The following UTP20 variants were observed in gnomAD, a reference collection of about 807,000 sequenced individuals.
UTP20 encodes UTP20 small subunit processome component, also known as small subunit processome component 20 homolog.
In UTP20, 164 loss-of-function variants were observed where a neutral mutation model predicts 329.5. The observed-to-expected ratio is 0.50, with a 90% confidence interval of 0.44 to 0.57. UTP20 has a LOEUF of 0.57. Among genes scored for constraint, UTP20 ranks in the 20% least tolerant of loss-of-function variants. The probability of loss-of-function intolerance (pLI) is 0.00; values close to 1 mark genes in which losing one functional copy is unlikely to be tolerated. For synonymous variants in UTP20, 1,151 were observed against 1,159.3 expected (o/e 0.99, Z 0.14); for missense variants, 3,055 against 3,284.2 (o/e 0.93, Z 1.71).
At chr12:101,309,715 A>G in intron 18 of UTP20, 48 bp from the exon 19 acceptor site, 1 of 1,568,694 alleles carries the variant, frequency 6.4e-7, no homozygotes, top group South Asian at 1.1e-5. Flanking sequence ...CTTCTGTTCT[A>G]TACTGTATTT....
rs1262750678 is a variant in UTP20, at chr12:101,359,188, G to A, written c.5691+2106G>A. ...AAGCAGTTCTCATGCCTCAGCCTCC[G>A]AAGTAGCTGGGATTACAGGCATGAG... On this transcript the variant is annotated intron_variant, in intron 43 of 61. Coordinates refer to ENST00000261637, the MANE Select transcript of UTP20 (RefSeq NM_014503.3). Among the ~76,000 whole-genome samples the A allele has an allele frequency of 6.6e-5, 10 of 151,846 alleles. No individual in the cohort carries two copies. In the South Asian group the frequency reaches 1.3e-3, roughly 19 times the overall value.
At chr12:101,308,395 G>A (rs1872693704) in intron 18 of UTP20, 52 bp downstream of exon 18, 1 of 1,295,174 alleles carries the variant, frequency 7.7e-7, no homozygotes, top group East Asian at 2.9e-5. Flanking sequence ...TTTAAATCCT[G>A]TTTGGGGAAG....
chr12:101,317,842 A>G (rs997492303), intron 22 of UTP20, among the ~76,000 whole-genome samples, 179 bp downstream of exon 22: 32 of 152,158 alleles, frequency 2.1e-4, no homozygotes, highest in African/African-American at 7.7e-4. Flanking sequence ...TTGGTTGATT[A>G]CTTATTAGTT....
intron 19 of UTP20, among the ~76,000 whole-genome samples, chr12:101,310,577 C>CAAAAAAAAAAAAAAAAAAAAAAAAA (rs549641642): frequency 1.8e-4 from 8 of 44,362 alleles, no homozygotes; most frequent in African/African-American, 7.7e-4. Flanking sequence ...CTCTGTCTCC[C>CAAAAAAAAAAAAAAAAAAAAAAAAA]AAAAAAAAAA....
At position 101,288,973 on chromosome 12, in the gene UTP20, C is replaced by T. The variant is rs865912868; in HGVS notation, c.529C>T (p.Leu177Phe). ...TTTCATGTATAGCATGTACAGCACA[C>T]TCCTGGCTCATAAAAAACTACATAT... is the stretch of plus-strand genomic sequence containing the variant. Reference protein sequence around the residue: ...MSSIYSMYSTLLAHKKLHIRN... With the variant: ...MSSIYSMYSTFLAHKKLHIRN... The change falls in exon 6 of 62, where the codon CTC (leucine) becomes TTC (phenylalanine). Residue 177 changes from leucine to phenylalanine, a missense_variant. Leu to Phe is a conservative substitution (Grantham distance 22). This residue lies in a region of UTP20 where 2,445 missense variants were observed against 2,575.5 expected (regional missense o/e 0.95). Transcript: ENST00000261637. 6.2e-7 allele frequency: 1 copy of T among 1,613,778 alleles called. No individual in the cohort carries two copies. The highest frequency in any genetic ancestry group is 8.5e-7 in the Non-Finnish European group (1 of 1,179,818).
At chr12:101,359,012 G>A (rs777169161) in intron 43 of UTP20, among the ~76,000 whole-genome samples, 1 of 152,116 alleles carries the variant, frequency 6.6e-6, no homozygotes, top group Non-Finnish European at 1.5e-5. Flanking sequence ...GGCATTTTCT[G>A]AGCTTCTTGA....
In UTP20 at chr12:101,288,435, G is replaced by A. The variant is rs986695514; in HGVS notation, c.516-525G>A. 6.6e-5 allele frequency among the ~76,000 whole-genome samples: 10 copies of A among 152,268 alleles called. No homozygotes were observed. In the East Asian group the frequency reaches 9.7e-4, roughly 15 times the overall value. On this transcript the variant is annotated intron_variant, in intron 5 of 61. Transcript: ENST00000261637. Reference sequence around the variant, plus strand: ...ACTTTCATTATCTGTAGAATGGGAGGATTATAATAGTACCCATCCCATAGA... The same window carrying A: ...ACTTTCATTATCTGTAGAATGGGAGAATTATAATAGTACCCATCCCATAGA...
rs185443674 is a variant in UTP20, at chr12:101,371,208, C to G, written c.6798+40C>G. On this transcript the variant is annotated intron_variant, in intron 51 of 61. Transcript: ENST00000261637. Reference sequence around the variant, plus strand: ...CTTATCCCCATAGCAAGGGCTGGGCCCTGCCGCATCTTTGTGGCAGAGGTG... The same window carrying G: ...CTTATCCCCATAGCAAGGGCTGGGCGCTGCCGCATCTTTGTGGCAGAGGTG... 5.9e-5 allele frequency: 84 copies of G among 1,435,186 alleles called. 1 individual carries two copies. The African/African-American group carries it at 1.1e-3, about 18-fold the overall frequency. The allele number at this position is 1,435,186 out of a possible 1,614,324, so 88.9% of individuals were successfully genotyped here.
At position 101,309,854 on chromosome 12, in the gene UTP20, A is replaced by G; in HGVS notation, c.2231+15A>G. 1 of 1,606,818 alleles carries G rather than the reference A, an allele frequency of 6.2e-7. No homozygotes were observed. ...GAACTCATAAGGTAAACATGGGTTA[A>G]ATGGGATGAAACTATTATACTTTAA... On this transcript the variant is annotated intron_variant, in intron 19 of 61. Transcript: ENST00000261637.
chr12:101,311,450 C>T (rs868235883), intron 19 of UTP20, among the ~76,000 whole-genome samples: 8 of 152,178 alleles, frequency 5.3e-5, no homozygotes, highest in Non-Finnish European at 1.0e-4. Flanking sequence ...CCAGTTTCAT[C>T]AGTGTGCCTT....
intron 23 of UTP20, 127 bp downstream of exon 23, chr12:101,319,762 G>T: frequency 2.8e-6 from 2 of 709,098 alleles, no homozygotes; most frequent in East Asian, 3.3e-5. Context: ...AAGTATTAAA[G>T]CCTTTTTTTT....
chr12:101,359,483 G>GTGTA (rs1869839911), intron 43 of UTP20, among the ~76,000 whole-genome samples: 2 of 137,636 alleles, frequency 1.5e-5, no homozygotes, highest in African/African-American at 6.3e-5. Context: ...GTGTGTGTGT[G>GTGTA]TGTATGTATG....
chr12:101,385,910 T>G lies in UTP20; in HGVS notation c.8203-58T>G, dbSNP rs1471555247. On this transcript the variant is annotated intron_variant, in intron 61 of 61. Transcript: ENST00000261637. ...TTTTACATTTATTTCTGTATTTGAT[T>G]CTTATTGGTTTAACATTTACTTTAA... 19 of 1,469,336 alleles carry G rather than the reference T, an allele frequency of 1.3e-5. No individual in the cohort carries two copies. In the East Asian group the frequency reaches 3.9e-4, roughly 30 times the overall value. The allele number at this position is 1,469,336 out of a possible 1,614,324, so 91.0% of individuals were successfully genotyped here. A position where few individuals can be genotyped will look rare whatever the true frequency, so the allele number is the denominator to read the frequency against.
At chr12:101,360,810 C>T (rs1303109450) in intron 43 of UTP20, among the ~76,000 whole-genome samples, 1 of 152,118 alleles carries the variant, frequency 6.6e-6, no homozygotes, top group Non-Finnish European at 1.5e-5. Context: ...GCCTGGGTGA[C>T]AGAGCAAGAC....
At chr12:101,351,526 CTTT>C (rs753646442) in intron 38 of UTP20, among the ~76,000 whole-genome samples, 5 of 117,858 alleles carry the variant, frequency 4.2e-5, no homozygotes, top group African/African-American at 6.5e-5. Context: ...AGGCAGTGTA[CTTT>C]TTTTTTTTTT....
chr12:101,293,307 A>G (rs182001512), intron 11 of UTP20, 62 bp downstream of exon 11: 7 of 1,457,838 alleles, frequency 4.8e-6, no homozygotes, highest in South Asian at 2.3e-5. Context: ...AAAACGATCA[A>G]ATTTGAAATC....
intron 19 of UTP20, 112 bp downstream of exon 19, chr12:101,309,951 T>C: frequency 1.2e-6 from 1 of 868,014 alleles, no homozygotes; most frequent in Non-Finnish European, 1.8e-6. Context: ...GTATATGGTA[T>C]TTACAGTACT....
intron 11 of UTP20, among the ~76,000 whole-genome samples, chr12:101,294,786 T>G (rs1159775110): frequency 3.9e-5 from 6 of 152,100 alleles, no homozygotes; most frequent in Admixed American, 3.9e-4. Context: ...TCAGATGATC[T>G]GCCTGCCTCG....
chr12:101,321,873 G>A (rs897620906), intron 25 of UTP20, among the ~76,000 whole-genome samples: 2 of 151,680 alleles, frequency 1.3e-5, no homozygotes, highest in East Asian at 1.9e-4. Context: ...GCCTCCCAAC[G>A]TGCTAAGATT....
Sources: gnomAD v4.1 joint callset for allele counts (sites outside exome capture counted in the v4.1 genomes callset) on GRCh38, gnomAD v4.1.1 for gene constraint, gnomAD v4.1.1 regional missense constraint, MANE v1.5 for transcripts, NCBI Gene and HGNC (gene_info 2026-07-23, HGNC 2026-07-21) for gene names.